The following JCAD variants were observed in gnomAD, a reference collection of about 807,000 sequenced individuals.
JCAD encodes junctional cadherin 5-associated protein.
JCAD carries 40 observed loss-of-function variants against 98.0 expected under a neutral mutation model. That is an observed-to-expected ratio of 0.41 (90% CI 0.32 to 0.53). The LOEUF is 0.53. Ranked by LOEUF, JCAD falls within the 20% of genes least tolerant of loss-of-function variation. The pLI, the probability that JCAD is intolerant of heterozygous loss-of-function variation, is 0.31. For missense variants in JCAD, 1,705 were observed against 1,738.1 expected (o/e 0.98, Z 0.34); for synonymous variants, 691 against 682.3 (o/e 1.01, Z -0.20).
chr10:30,048,964 C>T (rs953329324), intron 1 of JCAD, among the ~76,000 whole-genome samples: 1 of 152,196 alleles, frequency 6.6e-6, no homozygotes, highest in Admixed American at 6.5e-5. Flanking sequence ...CCAAATCCTG[C>T]TATAGTACCT....
At chr10:30,100,861 T>G (rs898971274) in intron 1 of JCAD, among the ~76,000 whole-genome samples, 1 of 152,150 alleles carries the variant, frequency 6.6e-6, no homozygotes, top group Non-Finnish European at 1.5e-5. Context: ...TAGGGAGACA[T>G]GAGACATCAG....
chr10:30,087,995 C>G (rs188236372), intron 1 of JCAD, among the ~76,000 whole-genome samples: 49 of 152,334 alleles, frequency 3.2e-4, no homozygotes, highest in African/African-American at 1.1e-3. Flanking sequence ...CATGCACCAC[C>G]ACACCCAGCT....
upstream of JCAD, among the ~76,000 whole-genome samples, chr10:30,060,646 G>A (rs1837682983): frequency 6.6e-6 from 1 of 152,234 alleles, no homozygotes; most frequent in East Asian, 1.9e-4. Context: ...GCCACATCAT[G>A]ATTTTAGGAC....
At chr10:30,110,392 T>TA (rs1838671406) in intron 1 of JCAD, among the ~76,000 whole-genome samples, 2 of 152,010 alleles carry the variant, frequency 1.3e-5, no homozygotes, top group Non-Finnish European at 2.9e-5. Flanking sequence ...AGCTGATGTG[T>TA]GGACCAGCTG....
chr10:30,029,997 G>T, intron 2 of JCAD, 131 bp from the exon 3 acceptor site: 2 of 1,053,260 alleles, frequency 1.9e-6, no homozygotes, highest in Non-Finnish European at 2.7e-6. Flanking sequence ...GTACTTGCCA[G>T]CTTGAAAGAA....
At position 30,029,853 on chromosome 10, in the gene JCAD, G is replaced by T. The variant is rs750602347; in HGVS notation, c.295C>A (p.Pro99Thr). 12 of 1,613,462 alleles carry T rather than the reference G, an allele frequency of 7.4e-6. No homozygotes were observed. Among genetic ancestry groups the T allele is most frequent in the African/African-American group, 1.3e-5 (1 of 74,872 alleles). ...GGATGAGAGGACCATGCTGAGGGGG[G>T]TTGATTACAAAACCTACAAAACAAA... ...RTSEAGFCNQPPSAWSSHPPT... is the reference protein window; with the variant it reads ...RTSEAGFCNQTPSAWSSHPPT... Residue 99 changes from proline (P) to threonine (T), a missense_variant, in exon 3 of 4, where the codon CCC becomes ACC. Around this residue, in one of 3 missense-constraint regions of JCAD, gnomAD observed 152 missense variants for 148.0 expected, o/e 1.03. Coordinates refer to ENST00000375377, the MANE Select transcript of JCAD (RefSeq NM_020848.4).
At chr10:30,081,012 A>G (rs1168116681) in intron 1 of JCAD, among the ~76,000 whole-genome samples, 1 of 152,234 alleles carries the variant, frequency 6.6e-6, no homozygotes, top group Non-Finnish European at 1.5e-5. Context: ...GACTCGCACC[A>G]GGTGTACTTA....
upstream of JCAD, among the ~76,000 whole-genome samples, chr10:30,060,813 C>T (rs1308096132): frequency 6.6e-6 from 1 of 152,144 alleles, no homozygotes; most frequent in East Asian, 1.9e-4. Flanking sequence ...GCACAGATGG[C>T]AAGCTGCAGA....
intron 2 of JCAD, among the ~76,000 whole-genome samples, chr10:30,065,189 A>G (rs988250614): frequency 6.6e-6 from 1 of 152,208 alleles, no homozygotes; most frequent in African/African-American, 2.4e-5. Flanking sequence ...TTGATATATC[A>G]GTACGGTGTC....
intron 2 of JCAD, among the ~76,000 whole-genome samples, chr10:30,042,842 G>A (rs960179821): frequency 3.9e-5 from 6 of 152,118 alleles, no homozygotes; most frequent in Non-Finnish European, 5.9e-5. Context: ...ATGAAGGAGG[G>A]AAACTTTACT....
In JCAD at chr10:30,028,638, G is replaced by A. The variant is rs762905872; in HGVS notation, c.1510C>T (p.Pro504Ser). 1 of 1,608,268 alleles carries A rather than the reference G, an allele frequency of 6.2e-7. No individual in the cohort carries two copies. The change falls in exon 3 of 4, where the codon CCC becomes TCC. Residue 504 changes from proline to serine, a missense_variant. Physicochemically the swap from Pro to Ser is moderately conservative, Grantham distance 74. Transcript: ENST00000375377. ...DSSPRWLWGQ[P>S]PGDGENSGLP... is the part of the protein sequence containing the mutation. ...CCACTGTTTTCCCCATCCCCGGGGG[G>A]CTGGCCCCACAGCCACCGGGGGCTG...
chr10:30,018,296 C>CTTTT (rs68092911), intron 3 of JCAD, among the ~76,000 whole-genome samples: 7,176 of 70,570 alleles, frequency 0.1, 222 homozygotes, highest in African/African-American at 0.12. Context: ...TCTTCTTCTT[C>CTTTT]TTTTTTTTTT....
intron 2 of JCAD, among the ~76,000 whole-genome samples, chr10:30,038,688 T>TAAAA (rs11402293): frequency 1.6e-4 from 20 of 122,028 alleles, no homozygotes; most frequent in East Asian, 1.0e-3. Flanking sequence ...TGTCTCAAAA[T>TAAAA]AAAAAAAAAA....
At chr10:30,103,733 CTTTTT>C (rs3858238) in intron 1 of JCAD, among the ~76,000 whole-genome samples, 4 of 126,744 alleles carry the variant, frequency 3.2e-5, no homozygotes, top group African/African-American at 8.9e-5. Flanking sequence ...GTCAATTTTT[CTTTTT>C]TTTTTTTTTT....
intron 2 of JCAD, among the ~76,000 whole-genome samples, chr10:30,032,046 G>A (rs1479750876): frequency 6.6e-6 from 1 of 152,154 alleles, no homozygotes; most frequent in Non-Finnish European, 1.5e-5. Context: ...GAGCCACCGC[G>A]CCCGGCTCCA....
In JCAD at chr10:30,027,801, G is replaced by C; in HGVS notation, c.2347C>G (p.Gln783Glu). The C allele has an allele frequency of 6.2e-7, 1 of 1,614,268 alleles. No individual in the cohort carries two copies. The highest frequency in any genetic ancestry group is 2.2e-5 in the East Asian group (1 of 44,886). The change falls in exon 3 of 4, where the codon CAG (glutamine) becomes GAG (glutamate). Residue 783 changes from glutamine (Q) to glutamate (E), a missense_variant. By Grantham distance (29) the Gln-to-Glu change is conservative. Around this residue, in one of 3 missense-constraint regions of JCAD, gnomAD observed 1,278 missense variants for 1,243.1 expected, o/e 1.03. Coordinates refer to ENST00000375377, the MANE Select transcript of JCAD (RefSeq NM_020848.4). ...AGCCCGTGGACATCCACGCAGGGCTGACTTCGGCCTGCTTTTGGCGTCGGT... is the reference window on the plus strand; with the variant it reads ...AGCCCGTGGACATCCACGCAGGGCTCACTTCGGCCTGCTTTTGGCGTCGGT... Reference protein sequence around the residue: ...QAPTPKAGRSQPCVDVHGLGA... With the variant: ...QAPTPKAGRSEPCVDVHGLGA...
At position 30,047,605 on chromosome 10, in the gene JCAD, C is replaced by T. The variant is rs199763484; in HGVS notation, c.208G>A (p.Glu70Lys). ...CCTCTCGGTGTGCTGCGGCGGCTTT[C>T]GGAGTCACTCACATGTCCTTTCCCC... ...SAGKGHVSDS[E>K]SRRSTPRGHG... The change falls in exon 2 of 4, where the codon GAA (glutamate) becomes AAA (lysine). Residue 70 changes from glutamate (E) to lysine (K), a missense_variant. Glu to Lys is a moderately conservative substitution (Grantham distance 56, BLOSUM62 1). Coordinates refer to ENST00000375377, the MANE Select transcript of JCAD (RefSeq NM_020848.4). 393 of 1,614,074 alleles carry T rather than the reference C, an allele frequency of 2.4e-4. 1 individual carries two copies. The African/African-American group carries it at 4.6e-3, about 19-fold the overall frequency.
intron 1 of JCAD, among the ~76,000 whole-genome samples, chr10:30,091,101 T>C (rs1269659178): frequency 6.6e-6 from 1 of 152,232 alleles, no homozygotes; most frequent in Non-Finnish European, 1.5e-5. Flanking sequence ...AACCGACTGG[T>C]ACGTTTATGA....
chr10:30,077,860 C>T (rs1450290800), intron 1 of JCAD, among the ~76,000 whole-genome samples: 2 of 152,180 alleles, frequency 1.3e-5, no homozygotes. Flanking sequence ...GTGAATAATG[C>T]TGCTATGAAC....
Sources: allele counts gnomAD v4.1 joint callset (sites outside exome capture counted in the v4.1 genomes callset), GRCh38; gene constraint gnomAD v4.1.1; regional missense constraint gnomAD v4.1.1; transcripts MANE v1.5; gene names NCBI Gene and HGNC (gene_info 2026-07-23, HGNC 2026-07-21).